Variants in FADD observed in about 807,000 individuals in gnomAD.
FADD encodes the protein FAS-associated death domain protein.
A neutral mutation model predicts 5.8 loss-of-function variants in FADD; 3 were observed. That is an observed-to-expected ratio of 0.52 (90% CI 0.24 to 1.34). The LOEUF is 1.34. Among genes scored for constraint, FADD ranks in the 40% most tolerant of loss-of-function variants. FADD has a pLI of 0.17. For missense variants in FADD, 249 were observed against 286.7 expected (o/e 0.87, Z 0.95); for synonymous variants, 138 against 130.8 (o/e 1.06, Z -0.38).
At chr11:70,206,110 C>T (rs765543586) in intron 1 of FADD, 23 bp from the exon 2 acceptor site, 1 of 1,599,708 alleles carries the variant, frequency 6.3e-7, no homozygotes, top group Non-Finnish European at 8.6e-7. Flanking sequence ...CTATGGTAAA[C>T]CGTTCTGTTC....
At position 70,206,249 on chromosome 11, in the gene FADD, C is replaced by A; in HGVS notation, c.403C>A (p.Arg135Ser). 1 of 1,614,172 alleles carries A rather than the reference C, an allele frequency of 6.2e-7. No individual in the cohort carries two copies. Among genetic ancestry groups the A allele is most frequent in the Non-Finnish European group, 8.5e-7 (1 of 1,180,030 alleles). Reference sequence around the variant, plus strand: ...CGACAGCATCGAGGACAGATACCCCCGCAACCTGACAGAGCGTGTGCGGGA... The same window carrying A: ...CGACAGCATCGAGGACAGATACCCCAGCAACCTGACAGAGCGTGTGCGGGA... ...KIDSIEDRYP[R>S]NLTERVRESL... The change falls in exon 2 of 2, where the codon CGC becomes AGC. Residue 135 changes from arginine to serine, a missense_variant. Physicochemically the swap from Arg to Ser is moderately radical, Grantham distance 110 (BLOSUM62 -1). Coordinates refer to ENST00000301838, the MANE Select transcript of FADD (RefSeq NM_003824.4).
intron 1 of FADD, among the ~76,000 whole-genome samples, chr11:70,204,635 C>T (rs565382393): frequency 6.6e-6 from 1 of 152,084 alleles, no homozygotes; most frequent in Non-Finnish European, 1.5e-5. Context: ...GGGTTTCACT[C>T]TGTAAAGACT....
rs1011153504 is a variant in FADD at position 70,206,005 on chromosome 11, A to G, written c.287-128A>G. 15 of 814,910 alleles carry G rather than the reference A, an allele frequency of 1.8e-5. No homozygotes were observed. The African/African-American group carries it at 2.2e-4, about 12-fold the overall frequency. 50.5% of individuals were successfully genotyped at this position (814,910 alleles called of 1,614,324 possible). On this transcript the variant is annotated intron_variant, in intron 1 of 1. Coordinates refer to ENST00000301838, the MANE Select transcript of FADD (RefSeq NM_003824.4). ...TTGCTGCCAGGCGACTCTAGCCTCT[A>G]CAGAGGACCTCGTGTAGGCACCTCT...
chr11:70,206,313 C>T lies in FADD; in HGVS notation c.467C>T (p.Ala156Val), dbSNP rs745740187. 2 of 1,614,186 alleles carry T rather than the reference C, an allele frequency of 1.2e-6. No individual in the cohort carries two copies. The highest frequency in any genetic ancestry group is 1.7e-6 in the Non-Finnish European group (2 of 1,180,036). ...RIWKNTEKENATVAHLVGALR... is the reference protein window; with the variant it reads ...RIWKNTEKENVTVAHLVGALR... Reference sequence around the variant, plus strand: ...TGGAAGAACACAGAGAAGGAGAACGCAACAGTGGCCCACCTGGTGGGGGCT... The same window carrying T: ...TGGAAGAACACAGAGAAGGAGAACGTAACAGTGGCCCACCTGGTGGGGGCT... Residue 156 changes from alanine (A) to valine (V), a missense_variant, in exon 2 of 2, where the codon GCA becomes GTA. Ala to Val is a moderately conservative substitution (Grantham distance 64, BLOSUM62 0). Coordinates refer to ENST00000301838, the MANE Select transcript of FADD (RefSeq NM_003824.4).
chr11:70,206,472 G>GTA lies in FADD; in HGVS notation c.626_627insTA (p.Ter209CysfsTer26). 1 of 1,612,846 alleles carries GTA rather than the reference G, an allele frequency of 6.2e-7. No individual in the cohort carries two copies. Among genetic ancestry groups the GTA allele is most frequent in the Non-Finnish European group, 8.5e-7 (1 of 1,179,290 alleles). ...GACGCATCTACCTCCGAAGCGTCCT[G>GTA]ATGGGCCGCTGCTTTGCGCTGGTGG... On this transcript the variant is annotated frameshift_variant and stop_lost, in exon 2 of 2. Coordinates refer to ENST00000301838, the MANE Select transcript of FADD (RefSeq NM_003824.4). LOFTEE classifies it high-confidence loss of function.
Position 70,203,363 on chromosome 11 carries a change from G to T in FADD, c.-97G>T. On this transcript the variant is annotated 5_prime_UTR_variant, in exon 1 of 2. Coordinates refer to ENST00000301838, the MANE Select transcript of FADD (RefSeq NM_003824.4). ...GGTTCGGGGGTGGAATCCTTGGGCC[G>T]CTGGGCAAGCGGCGAGACCTGGCCA... 6 of 1,524,934 alleles carry T rather than the reference G, an allele frequency of 3.9e-6. No individual in the cohort carries two copies. The highest frequency in any genetic ancestry group is 5.3e-6 in the Non-Finnish European group (6 of 1,137,068). The allele number at this position is 1,524,934 out of a possible 1,614,324, so 94.5% of individuals were successfully genotyped here.
chr11:70,203,633 G>C lies in FADD; in HGVS notation c.174G>C (p.Gly58=), dbSNP rs749488792. The change falls in exon 1 of 2, where the codon GGG becomes GGC. Residue 58 remains glycine (G), a synonymous_variant. Coordinates refer to ENST00000301838, the MANE Select transcript of FADD (RefSeq NM_003824.4). Reference sequence around the variant, plus strand: ...TGGAGCAGAACGACCTGGAGCCCGGGCACACCGAGCTCCTGCGCGAGCTGC... The same window carrying C: ...TGGAGCAGAACGACCTGGAGCCCGGCCACACCGAGCTCCTGCGCGAGCTGC... The part of the protein sequence containing the change: ...MLLEQNDLEP[G]HTELLRELLA... 1.2e-5 allele frequency: 19 copies of C among 1,587,058 alleles called. No individual in the cohort carries two copies. The highest frequency in any genetic ancestry group is 1.5e-5 in the Non-Finnish European group (17 of 1,169,908).
intron 1 of FADD, among the ~76,000 whole-genome samples, chr11:70,204,929 G>C (rs1400815313): frequency 6.6e-6 from 1 of 152,198 alleles, no homozygotes; most frequent in Non-Finnish European, 1.5e-5. Context: ...GGTATGGACA[G>C]GTTGGTAGCG....
intron 1 of FADD, 67 bp from the exon 2 acceptor site, chr11:70,206,066 C>G (rs982244646): frequency 2.2e-6 from 3 of 1,388,576 alleles, no homozygotes; most frequent in Non-Finnish European, 2.0e-6. Context: ...CTGAAAAGCC[C>G]TAGGGAGGAT....
rs780278962 is a variant in FADD, at chr11:70,203,706, G to A, written c.247G>A (p.Glu83Lys). Residue 83 changes from glutamate to lysine, a missense_variant, in exon 1 of 2, where the codon GAG (glutamate) becomes AAG (lysine). By Grantham distance (56) the Glu-to-Lys change is moderately conservative. Transcript: ENST00000301838. ...HDLLRRVDDF[E>K]AGAAAGAAPG... is the part of the protein sequence containing the mutation. ...CCTGCTGCGGCGCGTCGACGACTTC[G>A]AGGCGGGGGCGGCGGCCGGGGCCGC... 6.9e-7 allele frequency: 1 copy of A among 1,457,724 alleles called. No homozygotes were observed. Among genetic ancestry groups the A allele is most frequent in the Non-Finnish European group, 9.0e-7 (1 of 1,112,848 alleles). The allele number at this position is 1,457,724 out of a possible 1,614,324, so 90.3% of individuals were successfully genotyped here.
At position 70,203,336 on chromosome 11, in the gene FADD, C is replaced by T; in HGVS notation, c.-124C>T. 3 of 1,492,760 alleles carry T rather than the reference C, an allele frequency of 2.0e-6. No homozygotes were observed. The highest frequency in any genetic ancestry group is 2.7e-6 in the Non-Finnish European group (3 of 1,122,474). The allele number at this position is 1,492,760 out of a possible 1,614,324, so 92.5% of individuals were successfully genotyped here. A position where few individuals can be genotyped will look rare whatever the true frequency, so the allele number is the denominator to read the frequency against. On this transcript the variant is annotated 5_prime_UTR_variant, in exon 1 of 2. Coordinates refer to ENST00000301838, the MANE Select transcript of FADD (RefSeq NM_003824.4). Reference sequence around the variant, plus strand: ...CTGTAGTGAATCAGGCACCGGAGTGCAGGTTCGGGGGTGGAATCCTTGGGC... The same window carrying T: ...CTGTAGTGAATCAGGCACCGGAGTGTAGGTTCGGGGGTGGAATCCTTGGGC...
rs1340705692 is a variant in FADD at position 70,207,282 on chromosome 11, A to T, written c.*809A>T. ...TTGTATCAAAATCACTATCTTTCTG[A>T]TAACAGAATTGCCAAGGCAGCGGGA... is the stretch of plus-strand genomic sequence containing the variant. On this transcript the variant is annotated 3_prime_UTR_variant, in exon 2 of 2. Coordinates refer to ENST00000301838, the MANE Select transcript of FADD (RefSeq NM_003824.4). 1.3e-5 allele frequency: 2 copies of T among 152,172 alleles called. No homozygotes were observed. Among genetic ancestry groups the T allele is most frequent in the Non-Finnish European group, 2.9e-5 (2 of 68,034 alleles). The allele number at this position is 152,172 out of a possible 1,614,324, so 9.4% of individuals were successfully genotyped here.
rs1045982058 is a variant in FADD, at chr11:70,206,992, C to G, written c.*519C>G. 1 of 169,652 alleles carries G rather than the reference C, an allele frequency of 5.9e-6. No homozygotes were observed. The allele number at this position is 169,652 out of a possible 1,614,324, so 10.5% of individuals were successfully genotyped here. On this transcript the variant is annotated 3_prime_UTR_variant, in exon 2 of 2. Transcript: ENST00000301838. ...TTCCTTGGAGGCCACCGGGACAGAC[C>G]TGGACACTAGGGTCAGGCGGGGTGC... is the stretch of plus-strand genomic sequence containing the variant.
Position 70,203,398 on chromosome 11 carries a change from A to C in FADD, c.-62A>C, listed in dbSNP as rs2049436200. The C allele has an allele frequency of 6.5e-7, 1 of 1,544,530 alleles. No homozygotes were observed. The highest frequency in any genetic ancestry group is 1.4e-5 in the African/African-American group (1 of 72,512). On this transcript the variant is annotated 5_prime_UTR_variant, in exon 1 of 2. Coordinates refer to ENST00000301838, the MANE Select transcript of FADD (RefSeq NM_003824.4). Reference sequence around the variant, plus strand: ...CGGCGAGACCTGGCCAGGGCCAGCGAGCCGAGGACAGAGGGCGCACGGAGG... The same window carrying C: ...CGGCGAGACCTGGCCAGGGCCAGCGCGCCGAGGACAGAGGGCGCACGGAGG...
chr11:70,203,365 T>G lies in FADD; in HGVS notation c.-95T>G. On this transcript the variant is annotated 5_prime_UTR_variant, in exon 1 of 2. Coordinates refer to ENST00000301838, the MANE Select transcript of FADD (RefSeq NM_003824.4). Reference sequence around the variant, plus strand: ...TTCGGGGGTGGAATCCTTGGGCCGCTGGGCAAGCGGCGAGACCTGGCCAGG... The same window carrying G: ...TTCGGGGGTGGAATCCTTGGGCCGCGGGGCAAGCGGCGAGACCTGGCCAGG... 1 of 1,526,762 alleles carries G rather than the reference T, an allele frequency of 6.5e-7. No homozygotes were observed. The highest frequency in any genetic ancestry group is 1.4e-5 in the African/African-American group (1 of 71,814). The allele number at this position is 1,526,762 out of a possible 1,614,324, so 94.6% of individuals were successfully genotyped here. A position where few individuals can be genotyped will look rare whatever the true frequency, so the allele number is the denominator to read the frequency against.
Position 70,206,912 on chromosome 11 carries a change from AC to A in FADD, c.*441del, listed in dbSNP as rs1298546080. The A allele has an allele frequency of 1.5e-4, 33 of 226,232 alleles. No homozygotes were observed. The highest frequency in any genetic ancestry group is 7.3e-4 in the African/African-American group (32 of 43,840). 14.0% of individuals were successfully genotyped at this position (226,232 alleles called of 1,614,324 possible). ...CATCCTTCACCAGAGCCCATGCTCA[AC>A]CACTGTGGCGTTCTGCTGCCCCTGC... On this transcript the variant is annotated 3_prime_UTR_variant, in exon 2 of 2. Transcript: ENST00000301838.
At chr11:70,206,037 T>G in intron 1 of FADD, 96 bp from the exon 2 acceptor site, 1 of 1,072,786 alleles carries the variant, frequency 9.3e-7, no homozygotes, top group Non-Finnish European at 1.4e-6. Context: ...CTCTGTCCAC[T>G]CAGCACTTGG....
intron 1 of FADD, among the ~76,000 whole-genome samples, chr11:70,205,482 G>C (rs1370250708): frequency 6.6e-6 from 1 of 152,180 alleles, no homozygotes; most frequent in African/African-American, 2.4e-5. Flanking sequence ...GGGTGCCACA[G>C]ACCGGCACAC....
In FADD at chr11:70,206,783, C is replaced by T; in HGVS notation, c.*310C>T. On this transcript the variant is annotated 3_prime_UTR_variant, in exon 2 of 2. Transcript: ENST00000301838. ...GTGTCCAGCACAGAAGGAATCTGTGCAGATGAGCAGTCACACTGTTACTCC... is the reference window on the plus strand; with the variant it reads ...GTGTCCAGCACAGAAGGAATCTGTGTAGATGAGCAGTCACACTGTTACTCC... The T allele has an allele frequency of 2.5e-6, 1 of 406,968 alleles. No individual in the cohort carries two copies. The highest frequency in any genetic ancestry group is 4.6e-6 in the Non-Finnish European group (1 of 216,392). 25.2% of individuals were successfully genotyped at this position (406,968 alleles called of 1,614,324 possible). A position where few individuals can be genotyped will look rare whatever the true frequency, so the allele number is the denominator to read the frequency against.
Sources: gnomAD v4.1 joint callset for allele counts (sites outside exome capture counted in the v4.1 genomes callset) on GRCh38, gnomAD v4.1.1 for gene constraint, MANE v1.5 for transcripts, NCBI Gene and HGNC (gene_info 2026-07-23, HGNC 2026-07-21) for gene names.